EYS: variants seen among roughly 807,000 people sequenced by gnomAD.
The protein encoded by EYS is protein eyes shut homolog.
In EYS, 250 loss-of-function variants were observed where a neutral mutation model predicts 282.1. The ratio of observed to expected loss-of-function variants is 0.89; its 90% CI spans 0.80 to 0.98. The LOEUF (loss-of-function observed/expected upper bound fraction) is 0.98. Ranked by LOEUF, EYS falls within the 50% of genes least tolerant of loss-of-function variation. EYS has a pLI of 0.00. For missense variants in EYS, 4,016 were observed against 3,709.0 expected, an observed-to-expected ratio of 1.08 and a Z score of -2.15; for synonymous variants, 1,355 against 1,282.9, an observed-to-expected ratio of 1.06 and a Z score of -1.20.
At chr6:64,727,535 T>C (rs181756710) in intron 22 of EYS, among the ~76,000 whole-genome samples, 2 of 152,308 alleles carry the variant, frequency 1.3e-5, no homozygotes, top group East Asian at 3.9e-4. Flanking sequence ...TTTTTCTCTT[T>C]AAATGTGTTA....
intron 1 of EYS, among the ~76,000 whole-genome samples, chr6:65,645,716 A>G (rs1767427550): frequency 6.6e-6 from 1 of 151,924 alleles, no homozygotes; most frequent in Non-Finnish European, 1.5e-5. Flanking sequence ...CAAAAAAACT[A>G]CAAAAGATAA....
chr6:64,186,172 G>T (rs1327883375), intron 31 of EYS, among the ~76,000 whole-genome samples: 2 of 151,602 alleles, frequency 1.3e-5, no homozygotes, highest in Non-Finnish European at 2.9e-5. Flanking sequence ...TGCATCTAAG[G>T]TTTCTGATTT....
intron 7 of EYS, among the ~76,000 whole-genome samples, chr6:65,402,156 G>C (rs944370010): frequency 3.3e-5 from 5 of 151,274 alleles, no homozygotes; most frequent in African/African-American, 1.2e-4. Flanking sequence ...ATACTATGGA[G>C]ACATATCTCT....
intron 41 of EYS, among the ~76,000 whole-genome samples, chr6:63,757,251 T>C (rs761134193): frequency 6.6e-6 from 1 of 152,070 alleles, no homozygotes; most frequent in Non-Finnish European, 1.5e-5. Context: ...GCTCTGGCAG[T>C]GTCTGTGTTA....
At chr6:64,194,698 C>T (rs966958688) in intron 31 of EYS, among the ~76,000 whole-genome samples, 2 of 152,176 alleles carry the variant, frequency 1.3e-5, no homozygotes, top group South Asian at 2.1e-4. Flanking sequence ...TTAGCAACAA[C>T]GTATATTCTA....
chr6:65,410,412 T>A (rs1284161965), intron 5 of EYS, among the ~76,000 whole-genome samples: 1 of 151,992 alleles, frequency 6.6e-6, no homozygotes, highest in East Asian at 1.9e-4. Context: ...TTCAAAACCA[T>A]CTCTTCTAGC....
intron 22 of EYS, among the ~76,000 whole-genome samples, chr6:64,645,757 C>T (rs1768329697): frequency 6.6e-6 from 1 of 152,016 alleles, no homozygotes; most frequent in African/African-American, 2.4e-5. Context: ...TGCTTAAATG[C>T]TAGTGATTTT....
At chr6:65,113,187 A>G (rs953121881) in intron 12 of EYS, among the ~76,000 whole-genome samples, 4 of 152,106 alleles carry the variant, frequency 2.6e-5, no homozygotes, top group African/African-American at 9.7e-5. Context: ...GGATCAGAAT[A>G]GTAATACTGC....
At chr6:63,935,383 T>A (rs943749309) in intron 35 of EYS, among the ~76,000 whole-genome samples, 2 of 152,242 alleles carry the variant, frequency 1.3e-5, no homozygotes, top group East Asian at 3.8e-4. Flanking sequence ...AATTGTTTTT[T>A]CCCCAAAATT....
chr6:63,953,150 C>T (rs770627652), intron 35 of EYS, among the ~76,000 whole-genome samples: 1 of 152,090 alleles, frequency 6.6e-6, no homozygotes, highest in Non-Finnish European at 1.5e-5. Context: ...TCACTATTCC[C>T]CTGCACCCCT....
intron 28 of EYS, among the ~76,000 whole-genome samples, chr6:64,390,051 C>T (rs913084980): frequency 2.6e-5 from 4 of 151,576 alleles, no homozygotes; most frequent in Non-Finnish European, 5.9e-5. Context: ...CACCCGAATA[C>T]TGCGCTTTTC....
intron 5 of EYS, among the ~76,000 whole-genome samples, chr6:65,409,398 G>C (rs189039553): frequency 6.6e-6 from 1 of 152,302 alleles, no homozygotes; most frequent in East Asian, 1.9e-4. Flanking sequence ...TCAATGTGCT[G>C]TCATTAGGCA....
At chr6:65,258,432 A>C (rs1383844025) in intron 12 of EYS, among the ~76,000 whole-genome samples, 1 of 152,022 alleles carries the variant, frequency 6.6e-6, no homozygotes, top group East Asian at 1.9e-4. Context: ...TGAAGTTTTG[A>C]TTATTGACGT....
chr6:63,942,590 G>T (rs1765275258), intron 35 of EYS, among the ~76,000 whole-genome samples: 1 of 152,098 alleles, frequency 6.6e-6, no homozygotes, highest in South Asian at 2.1e-4. Context: ...CTGGTAGAAG[G>T]GTTCTGATTA....
chr6:64,388,425 T>C (rs941031827), intron 29 of EYS, among the ~76,000 whole-genome samples: 4 of 152,142 alleles, frequency 2.6e-5, no homozygotes, highest in Non-Finnish European at 5.9e-5. Context: ...TTGAGAAATG[T>C]AATACACATA....
intron 14 of EYS, among the ~76,000 whole-genome samples, chr6:64,976,180 G>A (rs945630662): frequency 4.6e-5 from 7 of 151,694 alleles, no homozygotes; most frequent in African/African-American, 9.7e-5. Flanking sequence ...ATATTGAACC[G>A]CCTCTTTTTT....
intron 13 of EYS, among the ~76,000 whole-genome samples, chr6:65,006,896 T>C (rs140742452): frequency 6.2e-4 from 95 of 152,288 alleles, no homozygotes; most frequent in African/African-American, 2.2e-3. Flanking sequence ...CAATCCAGAC[T>C]CAAAAGTTTT....
intron 12 of EYS, among the ~76,000 whole-genome samples, chr6:65,268,761 A>C (rs1430389958): frequency 6.6e-6 from 1 of 151,914 alleles, no homozygotes; most frequent in African/African-American, 2.4e-5. Context: ...AACTAAACGC[A>C]AGAGGAATTG....
intron 23 of EYS, among the ~76,000 whole-genome samples, chr6:64,622,288 T>A (rs1409383860): frequency 6.6e-6 from 1 of 152,172 alleles, no homozygotes; most frequent in Non-Finnish European, 1.5e-5. Flanking sequence ...CATGGCCCTG[T>A]CATGACTGGA....
Sources: gnomAD v4.1 joint callset for allele counts (sites outside exome capture counted in the v4.1 genomes callset) on GRCh38, gnomAD v4.1.1 for gene constraint, MANE v1.5 for transcripts, NCBI Gene and HGNC (gene_info 2026-07-23, HGNC 2026-07-21) for gene names.